GPHN: variants seen among roughly 807,000 people sequenced by gnomAD.
The protein encoded by GPHN is gephyrin.
Under a neutral mutation model 95.5 loss-of-function variants are expected in GPHN, and 17 were observed. The observed-to-expected ratio is 0.18, with a 90% CI of 0.12 to 0.27. The LOEUF (loss-of-function observed/expected upper bound fraction) is 0.27. GPHN is among the 10% of genes least tolerant of loss of function. GPHN has a pLI of 1.00. For missense variants in GPHN, 660 were observed against 978.1 expected (o/e 0.67, Z 4.34); for synonymous variants, 320 against 322.5 (o/e 0.99, Z 0.08).
the GPHN span, among the ~76,000 whole-genome samples, chr14:67,609,564 G>A: frequency 6.6e-6 from 1 of 152,080 alleles, no homozygotes; most frequent in East Asian, 1.9e-4. Flanking sequence ...TTGGGGGTGG[G>A]GCAGGGGTAT....
chr14:66,647,261 A>G (rs1366815223), intron 1 of GPHN, among the ~76,000 whole-genome samples: 1 of 150,574 alleles, frequency 6.6e-6, no homozygotes, highest in Admixed American at 6.7e-5. Context: ...TTAAAAATAC[A>G]TAAATCAGAT....
At chr14:66,701,706 A>G (rs949499113) in intron 2 of GPHN, among the ~76,000 whole-genome samples, 3 of 152,152 alleles carry the variant, frequency 2.0e-5, no homozygotes, top group Admixed American at 6.5e-5. Context: ...AGGGCCTAAC[A>G]TTTCAACCCC....
intron 4 of GPHN, chr14:66,842,703 G>T (rs1230823266): frequency 6.5e-7 from 1 of 1,534,318 alleles, no homozygotes; most frequent in Non-Finnish European, 8.7e-7. Flanking sequence ...CCATTTTGTG[G>T]GCTCCAGAAA....
At chr14:67,563,894 C>T in the GPHN span, among the ~76,000 whole-genome samples, 4 of 116,982 alleles carry the variant, frequency 3.4e-5, no homozygotes, top group South Asian at 3.1e-4. Context: ...CCACCATGCC[C>T]GGCTAACTGT....
At chr14:66,881,193 G>A (rs1171153412) in intron 5 of GPHN, among the ~76,000 whole-genome samples, 2 of 151,942 alleles carry the variant, frequency 1.3e-5, no homozygotes, top group East Asian at 1.9e-4. Context: ...TTGCTGTCAC[G>A]TGTACTGTAA....
At chr14:66,530,559 T>G (rs952144626) in intron 1 of GPHN, among the ~76,000 whole-genome samples, 2 of 152,102 alleles carry the variant, frequency 1.3e-5, no homozygotes, top group Non-Finnish European at 2.9e-5. Context: ...ACCACTCAGT[T>G]TTCTGTTGAA....
the GPHN span, chr14:67,651,766 A>G: frequency 1.1e-5 from 3 of 269,536 alleles, no homozygotes; most frequent in Admixed American, 9.9e-5. Context: ...GCTTTTCTAG[A>G]AAGAAGGGTT....
the GPHN span, among the ~76,000 whole-genome samples, chr14:67,249,973 A>C: frequency 1.3e-5 from 2 of 152,208 alleles, no homozygotes; most frequent in Non-Finnish European, 2.9e-5. Flanking sequence ...TTATGTTTGA[A>C]ATGTAAGTAA....
chr14:66,765,747 A>G (rs1006887996), intron 2 of GPHN, among the ~76,000 whole-genome samples: 1 of 152,146 alleles, frequency 6.6e-6, no homozygotes, highest in African/African-American at 2.4e-5. Context: ...CTGCACATGT[A>G]CTACTGAAAC....
At chr14:67,368,052 T>G in the GPHN span, among the ~76,000 whole-genome samples, 1 of 152,192 alleles carries the variant, frequency 6.6e-6, no homozygotes, top group South Asian at 2.1e-4. Context: ...AAGAAAACTT[T>G]TACTACTTAT....
At chr14:67,215,408 T>G in the GPHN span, among the ~76,000 whole-genome samples, 2 of 149,798 alleles carry the variant, frequency 1.3e-5, no homozygotes, top group South Asian at 2.1e-4. Flanking sequence ...GATCTATTGT[T>G]TTTTTTTTTT....
intron 3 of GPHN, among the ~76,000 whole-genome samples, chr14:66,788,636 T>C (rs891899597): frequency 3.3e-5 from 5 of 152,100 alleles, no homozygotes; most frequent in Non-Finnish European, 7.4e-5. Flanking sequence ...TTAAACCCAC[T>C]CCTTTTGTTT....
At chr14:67,231,969 T>TA in the GPHN span, among the ~76,000 whole-genome samples, 23,026 of 140,624 alleles carry the variant, frequency 0.16, 3,377 homozygotes, top group East Asian at 0.42. Context: ...ACTGTGTCTT[T>TA]AAAAAAAAAA....
At chr14:67,034,642 C>T (rs1768765019) in intron 10 of GPHN, among the ~76,000 whole-genome samples, 2 of 151,888 alleles carry the variant, frequency 1.3e-5, no homozygotes, top group African/African-American at 2.4e-5. Flanking sequence ...GCAGTGGTGG[C>T]CATAGTTATA....
chr14:66,755,206 A>C (rs987291351), intron 2 of GPHN, among the ~76,000 whole-genome samples: 44 of 152,136 alleles, frequency 2.9e-4, no homozygotes, highest in African/African-American at 1.1e-3. Context: ...ATGCAAGCCA[A>C]ATATTTTTAA....
chr14:67,181,984 T>C (rs561639263), downstream of GPHN, among the ~76,000 whole-genome samples: 2 of 152,316 alleles, frequency 1.3e-5, no homozygotes, highest in South Asian at 4.1e-4. Flanking sequence ...TTATGATCTG[T>C]AGTGTGTGAA....
chr14:67,720,475 T>C, the GPHN span, among the ~76,000 whole-genome samples: 1 of 152,230 alleles, frequency 6.6e-6, no homozygotes, highest in African/African-American at 2.4e-5. Context: ...GTTTCATTTC[T>C]CATACTTACG....
intron 2 of GPHN, among the ~76,000 whole-genome samples, chr14:66,732,281 C>G (rs1448764421): frequency 6.6e-6 from 1 of 152,220 alleles, no homozygotes; most frequent in African/African-American, 2.4e-5. Flanking sequence ...GCCACAGGTA[C>G]TCAATGCCAG....
At chr14:67,273,333 T>C in the GPHN span, among the ~76,000 whole-genome samples, 2 of 151,362 alleles carry the variant, frequency 1.3e-5, no homozygotes, top group Non-Finnish European at 2.9e-5. Flanking sequence ...CCAAGTGTTC[T>C]CATTTTTCAA....
Sources: allele counts gnomAD v4.1 joint callset (sites outside exome capture counted in the v4.1 genomes callset), GRCh38; gene constraint gnomAD v4.1.1; transcripts MANE v1.5; gene names NCBI Gene and HGNC (gene_info 2026-07-23, HGNC 2026-07-21).